Variants in FIG4 observed in about 807,000 individuals in gnomAD.
FIG4 encodes the protein FIG4 phosphoinositide 5-phosphatase, also known as polyphosphoinositide phosphatase.
FIG4 carries 112 observed loss-of-function variants against 118.6 expected under a neutral mutation model. The ratio of observed to expected loss-of-function variants is 0.94; its 90% CI spans 0.81 to 1.11. The LOEUF is 1.11. Among genes scored for constraint, FIG4 ranks in the 50% least tolerant of loss-of-function variants. The pLI, the probability that FIG4 is intolerant of heterozygous loss-of-function variation, is 0.00. For synonymous variants in FIG4, 369 were observed against 381.2 expected (o/e 0.97, Z 0.37); for missense variants, 969 against 1,111.7 (o/e 0.87, Z 1.83).
chr6:109,747,273 A>G (rs1776531143), intron 10 of FIG4, among the ~76,000 whole-genome samples: 1 of 151,986 alleles, frequency 6.6e-6, no homozygotes, highest in Non-Finnish European at 1.5e-5. Flanking sequence ...CCATGTGGAG[A>G]GTATAAAGTG....
intron 15 of FIG4, among the ~76,000 whole-genome samples, chr6:109,770,024 C>T (rs933580456): frequency 4.6e-5 from 7 of 152,144 alleles, no homozygotes; most frequent in Non-Finnish European, 7.4e-5. Context: ...ACTCACCTGA[C>T]CCTTTTTTCT....
intron 15 of FIG4, among the ~76,000 whole-genome samples, chr6:109,774,745 G>T (rs956954494): frequency 6.6e-6 from 1 of 152,044 alleles, no homozygotes; most frequent in African/African-American, 2.4e-5. Context: ...AAAATTGTGT[G>T]TACCTGTTTT....
chr6:109,794,600 T>C (rs1180327116), intron 21 of FIG4, among the ~76,000 whole-genome samples: 1 of 152,200 alleles, frequency 6.6e-6, no homozygotes, highest in Non-Finnish European at 1.5e-5. Flanking sequence ...CAGGGACTGA[T>C]TGGCACCCAC....
chr6:109,706,768 C>T (rs76235855), intron 1 of FIG4, among the ~76,000 whole-genome samples: 486 of 152,290 alleles, frequency 3.2e-3, no homozygotes, highest in African/African-American at 0.011. Context: ...AACAAACATA[C>T]CATCTTCTTC....
intron 10 of FIG4, among the ~76,000 whole-genome samples, chr6:109,753,560 T>G (rs1776781350): frequency 6.6e-6 from 1 of 152,234 alleles, no homozygotes; most frequent in African/African-American, 2.4e-5. Context: ...CAATATTGAT[T>G]GTTCCTACCC....
Position 109,743,271 on chromosome 6 carries a change from A to G in FIG4, c.1038A>G (p.Thr346=), listed in dbSNP as rs1776381949. The change falls in exon 9 of 23, where the codon ACA becomes ACG. Residue 346 remains threonine (T), a splice_region_variant and synonymous_variant. Transcript: ENST00000230124. The part of the protein sequence containing the change: ...ISTMMPKPPI[T]LDQADPFAHV... The stretch of plus-strand genomic sequence containing the variant: ...CTATGATGCCTAAACCACCTATTAC[A>G]TGTGTGTGGAGCCATGTTTTTAATA... The G allele has an allele frequency of 6.2e-7, 1 of 1,612,068 alleles. No individual in the cohort carries two copies. Among genetic ancestry groups the G allele is most frequent in the East Asian group, 2.2e-5 (1 of 44,752 alleles).
In FIG4 at chr6:109,760,321, A is replaced by G. The variant is rs748594119; in HGVS notation, c.1209A>G (p.Gln403=). ...ELVAAVTYLN[Q]FLPPEHTIVY... ...TTGCTGCTGTGACCTATCTCAACCA[A>G]TTTTTGCCTCCTGAGCACACTATTG... Residue 403 remains glutamine (Q), a synonymous_variant, in exon 11 of 23, where the codon CAA becomes CAG. Transcript: ENST00000230124. The G allele has an allele frequency of 3.1e-6, 5 of 1,613,356 alleles. No homozygotes were observed. In the Admixed American group the frequency reaches 5.0e-5, roughly 16 times the overall value.
chr6:109,758,914 C>T (rs191839163), intron 10 of FIG4, among the ~76,000 whole-genome samples: 60 of 152,324 alleles, frequency 3.9e-4, no homozygotes, highest in African/African-American at 1.1e-3. Context: ...TACCATCTCA[C>T]GCCAGTTAGA....
chr6:109,786,018 AT>A, intron 17 of FIG4: 1 of 418,512 alleles, frequency 2.4e-6, no homozygotes, highest in Non-Finnish European at 4.4e-6. Flanking sequence ...GCAAAAAGGA[AT>A]TTAAAGAACC....
chr6:109,750,162 A>G lies in FIG4; in HGVS notation c.1137+6390A>G, dbSNP rs551507694. Among the ~76,000 whole-genome samples, 4 of 152,302 alleles carry G rather than the reference A, an allele frequency of 2.6e-5. No homozygotes were observed. In the South Asian group the frequency reaches 8.3e-4, roughly 32 times the overall value. ...ATTTCTCTTTTACCCTGTGTTGCGA[A>G]CTTCTTCCCAGTTGTGAAAGTTTGA... is the stretch of plus-strand genomic sequence containing the variant. On this transcript the variant is annotated intron_variant, in intron 10 of 22. Transcript: ENST00000230124.
intron 22 of FIG4, among the ~76,000 whole-genome samples, chr6:109,818,623 C>T (rs1778925139): frequency 6.6e-6 from 1 of 152,062 alleles, no homozygotes; most frequent in Non-Finnish European, 1.5e-5. Flanking sequence ...TACAGGAAAA[C>T]AGGATATATG....
intron 1 of FIG4, among the ~76,000 whole-genome samples, chr6:109,711,974 C>T (rs1428011085): frequency 6.6e-6 from 1 of 152,150 alleles, no homozygotes; most frequent in Non-Finnish European, 1.5e-5. Flanking sequence ...ATTCCCACAG[C>T]ATGTTTGTCT....
At chr6:109,771,528 G>C (rs1176686460) in intron 15 of FIG4, among the ~76,000 whole-genome samples, 1 of 137,256 alleles carries the variant, frequency 7.3e-6, no homozygotes, top group East Asian at 2.1e-4. Context: ...GAGTGCAGTG[G>C]CACTATCTCG....
At chr6:109,776,534 T>A (rs1292632127) in intron 15 of FIG4, among the ~76,000 whole-genome samples, 4 of 152,158 alleles carry the variant, frequency 2.6e-5, no homozygotes, top group Admixed American at 2.6e-4. Context: ...TGCTTGTCTT[T>A]GCAATAAAGT....
chr6:109,737,902 C>T (rs376844547), intron 6 of FIG4, among the ~76,000 whole-genome samples: 1 of 152,094 alleles, frequency 6.6e-6, no homozygotes, highest in South Asian at 2.1e-4. Flanking sequence ...AAGTAACACT[C>T]TTGATTGTGC....
At chr6:109,721,407 A>G (rs1775605231) in intron 3 of FIG4, among the ~76,000 whole-genome samples, 1 of 152,104 alleles carries the variant, frequency 6.6e-6, no homozygotes, top group African/African-American at 2.4e-5. Flanking sequence ...CCCCCCATAC[A>G]GGATATTACA....
intron 10 of FIG4, among the ~76,000 whole-genome samples, chr6:109,747,708 A>C (rs1161298929): frequency 6.6e-6 from 1 of 152,182 alleles, no homozygotes; most frequent in African/African-American, 2.4e-5. Flanking sequence ...TGTATGACAC[A>C]GGAGAGAAAA....
At chr6:109,746,858 C>T (rs1485309057) in intron 10 of FIG4, among the ~76,000 whole-genome samples, 3 of 151,942 alleles carry the variant, frequency 2.0e-5, no homozygotes, top group Admixed American at 2.0e-4. Flanking sequence ...ATGCCTTAAA[C>T]CAGGGTGGTA....
At chr6:109,695,630 GC>G (rs1453873848) in intron 1 of FIG4, among the ~76,000 whole-genome samples, 1 of 146,228 alleles carries the variant, frequency 6.8e-6, no homozygotes, top group Non-Finnish European at 1.5e-5. Flanking sequence ...ACACAATGTT[GC>G]CATGACCTTT....
Sources: allele counts gnomAD v4.1 joint callset (sites outside exome capture counted in the v4.1 genomes callset), GRCh38; gene constraint gnomAD v4.1.1; transcripts MANE v1.5; gene names NCBI Gene and HGNC (gene_info 2026-07-23, HGNC 2026-07-21).